The following ATP6V0E1 variants were observed in gnomAD, a reference collection of about 807,000 sequenced individuals.
ATP6V0E1 encodes the protein V-type proton ATPase subunit e 1.
In ATP6V0E1, 4 loss-of-function variants were observed where a neutral mutation model predicts 11.6. That is an observed-to-expected ratio of 0.35 (90% confidence interval 0.17 to 0.79). The LOEUF (loss-of-function observed/expected upper bound fraction) is 0.79, where lower values mean the gene tolerates loss of function less well. Among genes scored for constraint, ATP6V0E1 ranks in the 30% least tolerant of loss-of-function variants. The pLI is 0.54. For synonymous variants in ATP6V0E1, 36 were observed against 34.8 expected (o/e 1.04, Z -0.13); for missense variants, 105 against 100.0 (o/e 1.05, Z -0.21).
intron 3 of ATP6V0E1, among the ~76,000 whole-genome samples, chr5:173,027,660 C>T (rs1256131844): frequency 6.6e-6 from 1 of 151,912 alleles, no homozygotes; most frequent in South Asian, 2.1e-4. Flanking sequence ...CACTCTGTTA[C>T]CCAAGCTGGT....
chr5:172,989,553 G>A (rs1468019880), intron 1 of ATP6V0E1, among the ~76,000 whole-genome samples: 2 of 148,280 alleles, frequency 1.3e-5, no homozygotes, highest in East Asian at 3.9e-4. Context: ...TTGAGACCTA[G>A]TCTTGCTCTG....
chr5:172,992,830 C>G (rs188490744), intron 1 of ATP6V0E1, among the ~76,000 whole-genome samples: 1 of 152,052 alleles, frequency 6.6e-6, no homozygotes, highest in Admixed American at 6.5e-5. Context: ...TGGAGTCTTG[C>G]TCTGTCGCCC....
intron 2 of ATP6V0E1, among the ~76,000 whole-genome samples, chr5:173,002,393 T>C (rs978087163): frequency 6.6e-6 from 1 of 152,222 alleles, no homozygotes; most frequent in African/African-American, 2.4e-5. Context: ...CTCCATATCT[T>C]TCTCTTTTTT....
chr5:173,021,505 C>G (rs1278000691), intron 3 of ATP6V0E1, among the ~76,000 whole-genome samples: 1 of 152,022 alleles, frequency 6.6e-6, no homozygotes, highest in Non-Finnish European at 1.5e-5. Context: ...GGGGGAACTG[C>G]CCCCATGATT....
At position 173,009,808 on chromosome 5, in the gene ATP6V0E1, G is replaced by C. The variant is rs181406928; in HGVS notation, c.153-10430G>C. Among the ~76,000 whole-genome samples, 831 of 141,918 alleles carry C rather than the reference G, an allele frequency of 5.9e-3. 12 individuals are homozygous for C. The highest frequency in any genetic ancestry group is 0.021 in the African/African-American group (775 of 37,100). The allele number at this position is 141,918 out of a possible 152,430, so 93.1% of individuals were successfully genotyped here. ...AGATGGAGTCTTGCTCTGTTGCCCA[G>C]GCTGGAGTGCAGTGGCACAATCTGA... On this transcript the variant is annotated intron_variant, in intron 2 of 3. Coordinates refer to ENST00000519374, the MANE Select transcript of ATP6V0E1 (RefSeq NM_003945.4).
chr5:172,994,402 G>C (rs558979268), intron 1 of ATP6V0E1, among the ~76,000 whole-genome samples: 6 of 152,280 alleles, frequency 3.9e-5, no homozygotes, highest in Middle Eastern at 3.4e-3. Flanking sequence ...CTCATCGCTG[G>C]AGAGTCATAT....
chr5:173,014,573 C>G (rs1254202482), intron 2 of ATP6V0E1, among the ~76,000 whole-genome samples: 4 of 152,240 alleles, frequency 2.6e-5, no homozygotes, highest in Middle Eastern at 3.4e-3. Flanking sequence ...TTTGCAGCAT[C>G]ATGGGAGGAA....
intron 2 of ATP6V0E1, among the ~76,000 whole-genome samples, chr5:172,998,655 T>G (rs1756108356): frequency 6.7e-6 from 1 of 150,078 alleles, no homozygotes; most frequent in African/African-American, 2.4e-5. Context: ...AATACATGTA[T>G]CATCAAGAAC....
At chr5:173,009,339 G>A (rs1218759322) in intron 2 of ATP6V0E1, among the ~76,000 whole-genome samples, 1 of 152,048 alleles carries the variant, frequency 6.6e-6, no homozygotes. Context: ...GAGATGGGAG[G>A]ATTGCTAAAG....
intron 2 of ATP6V0E1, among the ~76,000 whole-genome samples, chr5:173,014,553 A>G (rs1029606022): frequency 1.3e-5 from 2 of 152,200 alleles, no homozygotes. Flanking sequence ...AAAAGAATGA[A>G]ATCATGTCAT....
intron 3 of ATP6V0E1, 117 bp from the exon 4 acceptor site, chr5:173,034,281 AT>A (rs1166286364): frequency 3.0e-6 from 2 of 676,560 alleles, no homozygotes; most frequent in African/African-American, 3.5e-5. Flanking sequence ...TGTGTTTCAT[AT>A]TTTGTTGAGC....
intron 2 of ATP6V0E1, among the ~76,000 whole-genome samples, chr5:173,014,160 T>TAA (rs757466248): frequency 1.2e-4 from 8 of 67,754 alleles, no homozygotes; most frequent in Middle Eastern, 0.011. Context: ...GACTCCATCT[T>TAA]AAAAAAAAAA....
chr5:172,993,258 C>A (rs1263504097), intron 1 of ATP6V0E1, among the ~76,000 whole-genome samples: 2 of 152,114 alleles, frequency 1.3e-5, no homozygotes, highest in African/African-American at 2.4e-5. Context: ...CCTGTAATCC[C>A]AGCACTTTGG....
rs367681823 is a variant in ATP6V0E1 at position 172,983,920 on chromosome 5, C to T, written c.60C>T (p.Val20=). 158 of 1,613,198 alleles carry T rather than the reference C, an allele frequency of 9.8e-5. No homozygotes were observed. Among genetic ancestry groups the T allele is most frequent in the Non-Finnish European group, 1.3e-4 (152 of 1,179,830 alleles). Residue 20 remains valine (V), a synonymous_variant, in exon 1 of 4, where the codon GTC becomes GTT. Coordinates refer to ENST00000519374, the MANE Select transcript of ATP6V0E1 (RefSeq NM_003945.4). ...LIVMSVFWGF[V]GFLVPWFIPK... ...TGATGAGCGTGTTCTGGGGCTTCGT[C>T]GGCTTCTTGGTGCCTTGGTTCATCC...
At chr5:173,028,525 A>C (rs757047741) in intron 3 of ATP6V0E1, among the ~76,000 whole-genome samples, 1 of 152,216 alleles carries the variant, frequency 6.6e-6, no homozygotes, top group Non-Finnish European at 1.5e-5. Context: ...CAACAGAGAA[A>C]AATGAGGACC....
intron 2 of ATP6V0E1, among the ~76,000 whole-genome samples, chr5:172,996,132 A>G (rs1756061482): frequency 6.6e-6 from 1 of 152,210 alleles, no homozygotes; most frequent in African/African-American, 2.4e-5. Context: ...CATTTCCAAG[A>G]AACACCCACT....
chr5:172,983,821 G>A lies in ATP6V0E1; in HGVS notation c.-40G>A. ...ATTGACACTTCCTGGTGGGATCCGA[G>A]TGAGGCGACGGGGTAGGGGTTGGCG... On this transcript the variant is annotated 5_prime_UTR_variant, in exon 1 of 4. The change creates a new upstream start codon in the 5' untranslated region. Transcript: ENST00000519374. 6.3e-7 allele frequency: 1 copy of A among 1,592,000 alleles called. No homozygotes were observed. The highest frequency in any genetic ancestry group is 2.2e-5 in the East Asian group (1 of 44,762).
At chr5:173,024,846 C>CTT (rs542062411) in intron 3 of ATP6V0E1, among the ~76,000 whole-genome samples, 61 of 136,188 alleles carry the variant, frequency 4.5e-4, no homozygotes, top group Non-Finnish European at 7.8e-4. Flanking sequence ...TTTCTTTTTT[C>CTT]TTTTTTTTTT....
At position 172,983,980 on chromosome 5, in the gene ATP6V0E1, C is replaced by T. The variant is rs925097039; in HGVS notation, c.104+16C>T. ...CTAACCGGGGGTAAGTGCGTGAGGCCCGCCTTGGGAGGAACGGGCGGTGAG... is the reference window on the plus strand; with the variant it reads ...CTAACCGGGGGTAAGTGCGTGAGGCTCGCCTTGGGAGGAACGGGCGGTGAG... On this transcript the variant is annotated intron_variant, in intron 1 of 3. Coordinates refer to ENST00000519374, the MANE Select transcript of ATP6V0E1 (RefSeq NM_003945.4). 5 of 1,610,208 alleles carry T rather than the reference C, an allele frequency of 3.1e-6. No individual in the cohort carries two copies. The highest frequency in any genetic ancestry group is 2.7e-5 in the African/African-American group (2 of 74,918).
Sources: allele counts gnomAD v4.1 joint callset (sites outside exome capture counted in the v4.1 genomes callset), GRCh38; gene constraint gnomAD v4.1.1; transcripts MANE v1.5; gene names NCBI Gene and HGNC (gene_info 2026-07-23, HGNC 2026-07-21).